The following SYTL5 variants were observed in gnomAD, a reference collection of about 807,000 sequenced individuals.
SYTL5 encodes the protein synaptotagmin-like protein 5.
Under a neutral mutation model 55.9 loss-of-function variants are expected in SYTL5, and 34 were observed. That is an observed-to-expected ratio of 0.61 (90% CI 0.46 to 0.81). The LOEUF is 0.81. Ranked by LOEUF, SYTL5 falls within the 30% of genes least tolerant of loss-of-function variation. The pLI, the probability that SYTL5 is intolerant of heterozygous loss-of-function variation, is 0.00. For missense variants in SYTL5, 637 were observed against 546.7 expected (o/e 1.17, Z -1.65); for synonymous variants, 221 against 188.7 (o/e 1.17, Z -1.40).
the SYTL5 span, among the ~76,000 whole-genome samples, chrX:37,994,069 G>A: frequency 9.0e-6 from 1 of 110,575 alleles, no homozygotes; most frequent in Non-Finnish European, 1.9e-5. Flanking sequence ...AAGAAGCTCC[G>A]GTTACTGGGG....
At chrX:37,982,790 CTATAAG>C in the SYTL5 span, among the ~76,000 whole-genome samples, 1 of 111,316 alleles carries the variant, frequency 9.0e-6, no homozygotes, top group Non-Finnish European at 1.9e-5. Flanking sequence ...ATAACAAAAG[CTATAAG>C]TATATGTTTG....
At chrX:38,111,405 C>T (rs1243876719) in intron 13 of SYTL5, among the ~76,000 whole-genome samples, 1 of 111,982 alleles carries the variant, frequency 8.9e-6, no homozygotes, top group African/African-American at 3.2e-5. Flanking sequence ...ATTGTAAGCT[C>T]TCAATAAGTG....
At chrX:38,006,953 T>A (rs1306966086) in intron 1 of SYTL5, among the ~76,000 whole-genome samples, 1 of 111,374 alleles carries the variant, frequency 9.0e-6, no homozygotes, top group African/African-American at 3.3e-5. Flanking sequence ...TAGGTTCTAC[T>A]GAAGAGTGAG....
chrX:38,004,929 T>C (rs5964278), upstream of SYTL5, among the ~76,000 whole-genome samples: 732 of 111,686 alleles, frequency 6.6e-3, 7 homozygotes, highest in African/African-American at 0.023. Flanking sequence ...GACAGTATGA[T>C]TGTATTGTTT....
chrX:37,905,304 A>G, the SYTL5 span, among the ~76,000 whole-genome samples: 5 of 110,162 alleles, frequency 4.5e-5, no homozygotes, highest in South Asian at 2.0e-3. Flanking sequence ...AGGAGATGAG[A>G]TGGGAGTAAC....
At chrX:37,919,277 T>G in the SYTL5 span, among the ~76,000 whole-genome samples, 1 of 111,525 alleles carries the variant, frequency 9.0e-6, no homozygotes, top group Non-Finnish European at 1.9e-5. Context: ...CCCTTGGCAT[T>G]TGGCAAAGTG....
chrX:38,037,788 TGATAGATAGATAGATAGATA>T (rs3067489), intron 2 of SYTL5, among the ~76,000 whole-genome samples: 5 of 82,448 alleles, frequency 6.1e-5, no homozygotes, highest in South Asian at 5.5e-4. Context: ...AACATTTTTC[TGATAGATAGATAGATAGATA>T]GATAGATAGA....
intron 1 of SYTL5, among the ~76,000 whole-genome samples, chrX:38,023,678 G>T (rs919977057): frequency 9.0e-6 from 1 of 110,953 alleles, no homozygotes; most frequent in African/African-American, 3.3e-5. Context: ...CATCGGTATT[G>T]CTCTCTTTTC....
intron 1 of SYTL5, among the ~76,000 whole-genome samples, chrX:38,017,453 C>T (rs1338800527): frequency 9.1e-6 from 1 of 110,370 alleles, no homozygotes; most frequent in East Asian, 2.9e-4. Context: ...TTAGCAATGA[C>T]CTACATCATT....
chrX:38,042,972 A>C (rs1279410123), intron 2 of SYTL5, among the ~76,000 whole-genome samples: 1 of 111,172 alleles, frequency 9.0e-6, no homozygotes, highest in African/African-American at 3.3e-5. Flanking sequence ...TGTTAATAGA[A>C]GTTATGGTTT....
At chrX:38,034,081 G>T in intron 2 of SYTL5, 73 bp downstream of exon 2, 2 of 557,778 alleles carry the variant, frequency 3.6e-6, no homozygotes, top group East Asian at 3.6e-5. Context: ...GATCAGAAAT[G>T]GGCCAAGTGC....
the SYTL5 span, among the ~76,000 whole-genome samples, chrX:37,984,466 G>T: frequency 8.9e-6 from 1 of 111,906 alleles, no homozygotes; most frequent in Admixed American, 9.4e-5. Context: ...CTTCTTCTAA[G>T]AAATAAATAG....
chrX:37,945,196 G>A, the SYTL5 span, among the ~76,000 whole-genome samples: 1 of 112,179 alleles, frequency 8.9e-6, no homozygotes, highest in South Asian at 3.7e-4. Context: ...CTTTCATGGA[G>A]CAAGTTTGTT....
chrX:38,035,585 C>T (rs1166138078), intron 2 of SYTL5, among the ~76,000 whole-genome samples: 5 of 97,745 alleles, frequency 5.1e-5, no homozygotes, highest in Admixed American at 2.2e-4. Context: ...AGCCAGACTC[C>T]GTCTCAAAAA....
At chrX:38,115,637 A>G (rs1490997901) in intron 13 of SYTL5, among the ~76,000 whole-genome samples, 3 of 111,425 alleles carry the variant, frequency 2.7e-5, no homozygotes, top group Non-Finnish European at 5.7e-5. Context: ...GGTATGAGGT[A>G]ATAGCTCATT....
the SYTL5 span, among the ~76,000 whole-genome samples, chrX:37,992,015 T>C: frequency 1.8e-5 from 2 of 112,550 alleles, no homozygotes; most frequent in Admixed American, 9.4e-5. Context: ...TTAATGGTTG[T>C]TAATTATTAA....
the SYTL5 span, among the ~76,000 whole-genome samples, chrX:37,910,435 G>T: frequency 3.6e-5 from 4 of 112,343 alleles, no homozygotes; most frequent in Non-Finnish European, 5.6e-5. Context: ...GCCCCTGAAG[G>T]CTGGGACTTC....
At chrX:38,025,157 G>T in intron 1 of SYTL5, among the ~76,000 whole-genome samples, 1 of 112,019 alleles carries the variant, frequency 8.9e-6, no homozygotes, top group Non-Finnish European at 1.9e-5. Flanking sequence ...GATTTAGCTT[G>T]TATTCTAAGC....
At chrX:38,039,534 A>G (rs1025669496) in intron 2 of SYTL5, among the ~76,000 whole-genome samples, 1 of 112,203 alleles carries the variant, frequency 8.9e-6, no homozygotes, top group Admixed American at 9.4e-5. Context: ...TTTTTACTCT[A>G]CTTGATCTCT....
Sources: allele counts gnomAD v4.1 joint callset (sites outside exome capture counted in the v4.1 genomes callset), GRCh38; gene constraint gnomAD v4.1.1; transcripts MANE v1.5; gene names NCBI Gene and HGNC (gene_info 2026-07-23, HGNC 2026-07-21).